Variants in TPD52L2 observed in about 807,000 individuals in gnomAD.
TPD52L2 encodes the protein tumor protein D54.
A neutral mutation model predicts 24.7 loss-of-function variants in TPD52L2; 19 were observed. That is an observed-to-expected ratio of 0.77 (90% confidence interval 0.54 to 1.13). The LOEUF (loss-of-function observed/expected upper bound fraction) is 1.13, where lower values mean the gene tolerates loss of function less well. Ranked by LOEUF, TPD52L2 falls within the 50% of genes most tolerant of loss-of-function variation. The pLI is 0.00. For synonymous variants in TPD52L2, 104 were observed against 100.2 expected (o/e 1.04, Z -0.23); for missense variants, 236 against 250.4 (o/e 0.94, Z 0.39).
intron 4 of TPD52L2, among the ~76,000 whole-genome samples, chr20:63,876,176 C>T (rs983019386): frequency 6.6e-6 from 1 of 152,180 alleles, no homozygotes; most frequent in Non-Finnish European, 1.5e-5. Context: ...ACTAATAGAG[C>T]TCCTTGGCTT....
At chr20:63,882,092 C>T (rs1297107687) in intron 4 of TPD52L2, among the ~76,000 whole-genome samples, 3 of 152,182 alleles carry the variant, frequency 2.0e-5, no homozygotes, top group South Asian at 2.1e-4. Context: ...TGGAACTGTC[C>T]GATGTTCTGA....
chr20:63,871,265 A>G (rs6062562), intron 2 of TPD52L2, among the ~76,000 whole-genome samples: 6,657 of 151,838 alleles, frequency 0.044, 378 homozygotes, highest in East Asian at 0.25. Context: ...CTGGTCCCGA[A>G]CTCCGAGTCT....
intron 4 of TPD52L2, among the ~76,000 whole-genome samples, chr20:63,878,877 A>G (rs1215429281): frequency 6.6e-6 from 1 of 152,166 alleles, no homozygotes; most frequent in Non-Finnish European, 1.5e-5. Flanking sequence ...TTGGGTGCAG[A>G]TGCTGGCTCT....
intron 3 of TPD52L2, among the ~76,000 whole-genome samples, chr20:63,875,005 G>C (rs2052613101): frequency 6.6e-6 from 1 of 151,970 alleles, no homozygotes; most frequent in South Asian, 2.1e-4. Flanking sequence ...AGCTGGGCGT[G>C]GTGGTGCGCA....
intron 1 of TPD52L2, 141 bp downstream of exon 1, chr20:63,865,525 C>T: frequency 8.8e-7 from 1 of 1,141,002 alleles, no homozygotes; most frequent in Non-Finnish European, 1.2e-6. Flanking sequence ...CTCCCGGGGC[C>T]ACTGACCTCG....
intron 5 of TPD52L2, chr20:63,885,911 C>G (rs561376703): frequency 1.6e-6 from 2 of 1,237,770 alleles, no homozygotes; most frequent in Non-Finnish European, 2.4e-6. Flanking sequence ...TGACTGAGCA[C>G]GAGCAGGGGG....
intron 5 of TPD52L2, among the ~76,000 whole-genome samples, 183 bp downstream of exon 5, chr20:63,883,003 C>T (rs1050712059): frequency 6.6e-6 from 1 of 152,148 alleles, no homozygotes; most frequent in Non-Finnish European, 1.5e-5. Flanking sequence ...TCGTCCATCC[C>T]CGTTGGCTGC....
At chr20:63,882,571 C>T (rs2052942355) in intron 4 of TPD52L2, 148 bp from the exon 5 acceptor site, 1 of 677,044 alleles carries the variant, frequency 1.5e-6, no homozygotes, top group East Asian at 2.7e-5. Flanking sequence ...GGCCTGCACC[C>T]CCTCTGTAGA....
chr20:63,879,390 C>T (rs2052810844), intron 4 of TPD52L2, among the ~76,000 whole-genome samples: 2 of 152,000 alleles, frequency 1.3e-5, no homozygotes, highest in Non-Finnish European at 2.9e-5. Flanking sequence ...CCTCAGGACC[C>T]TCCTCCTTGT....
At position 63,877,590 on chromosome 20, in the gene TPD52L2, A is replaced by C. The variant is rs950049253; in HGVS notation, c.374+1715A>C. On this transcript the variant is annotated intron_variant, in intron 4 of 6. Coordinates refer to ENST00000346249, the MANE Select transcript of TPD52L2 (RefSeq NM_003288.4). The surrounding 1 kb of genome is among the most constrained non-coding windows in gnomAD (Gnocchi z 4.1). ...TGCAGTTTGGGCATCAGGCGGACGC[A>C]CAGTGCAGACTCAGTCTGAAAATAG... Among the ~76,000 whole-genome samples, 1 of 152,270 alleles carries C rather than the reference A, an allele frequency of 6.6e-6. No homozygotes were observed. The highest frequency in any genetic ancestry group is 2.4e-5 in the African/African-American group (1 of 41,480).
At position 63,877,188 on chromosome 20, in the gene TPD52L2, G is replaced by A. The variant is rs1222619697; in HGVS notation, c.374+1313G>A. The A allele has an allele frequency of 5.8e-6, 2 of 346,226 alleles. No homozygotes were observed. Among genetic ancestry groups the A allele is most frequent in the East Asian group, 7.9e-5 (1 of 12,636 alleles). The allele number at this position is 346,226 out of a possible 1,614,324, so 21.4% of individuals were successfully genotyped here. On this transcript the variant is annotated intron_variant, in intron 4 of 6. Coordinates refer to ENST00000346249, the MANE Select transcript of TPD52L2 (RefSeq NM_003288.4). The surrounding 1 kb of genome is among the most constrained non-coding windows in gnomAD (Gnocchi z 4.1). ...CTACAGGCGCCCGCCACCACGCCCG[G>A]CTAATTTTTTCTATTTTTAGTAGAG...
chr20:63,888,877 T>C (rs2053228363), intron 5 of TPD52L2: 8 of 431,030 alleles, frequency 1.9e-5, no homozygotes, highest in South Asian at 1.2e-4. Context: ...ATAACCTCAG[T>C]ACGAGAGCCC....
At chr20:63,873,440 G>A (rs768809614) in intron 2 of TPD52L2, among the ~76,000 whole-genome samples, 3 of 151,732 alleles carry the variant, frequency 2.0e-5, no homozygotes, top group Non-Finnish European at 4.4e-5. Flanking sequence ...GGTGAGCCGA[G>A]GTCGTGCCAT....
chr20:63,886,287 A>G (rs1225874675), intron 5 of TPD52L2, among the ~76,000 whole-genome samples: 1 of 151,414 alleles, frequency 6.6e-6, no homozygotes, highest in East Asian at 1.9e-4. Context: ...GCTTCCCTTC[A>G]GGCTCACAGA....
At chr20:63,872,883 T>C (rs1490500148) in intron 2 of TPD52L2, among the ~76,000 whole-genome samples, 1 of 151,960 alleles carries the variant, frequency 6.6e-6, no homozygotes, top group Non-Finnish European at 1.5e-5. Context: ...TTTTGTATTT[T>C]TTAGTAGAGA....
Position 63,873,732 on chromosome 20 carries a change from T to C in TPD52L2, c.230T>C (p.Leu77Pro), listed in dbSNP as rs2052553561. 1.2e-6 allele frequency: 2 copies of C among 1,609,524 alleles called. No individual in the cohort carries two copies. Among genetic ancestry groups the C allele is most frequent in the Admixed American group, 1.7e-5 (1 of 58,828 alleles). ...GCCAAGGAGAGGCACTGTGGAGAGC[T>C]CAAGAGGAGGCTGGGCCTCTCCACC... ...LAAKERHCGE[L>P]KRRLGLSTLG... Residue 77 changes from leucine to proline, a missense_variant, in exon 3 of 7, where the codon CTC becomes CCC. Physicochemically the swap from Leu to Pro is moderately conservative, Grantham distance 98. Transcript: ENST00000346249.
chr20:63,873,559 A>G, intron 2 of TPD52L2, 109 bp from the exon 3 acceptor site: 1 of 1,289,554 alleles, frequency 7.8e-7, no homozygotes, highest in East Asian at 2.7e-5. Context: ...GGACGAGTTA[A>G]TGCTTTGGTA....
At chr20:63,889,816 A>C (rs374228582) in intron 6 of TPD52L2, 34 bp from the exon 7 acceptor site, 2 of 1,601,908 alleles carry the variant, frequency 1.2e-6, no homozygotes, top group African/African-American at 1.3e-5. Flanking sequence ...GCTCTGTCTC[A>C]GGTTTTTCTG....
In TPD52L2 at chr20:63,865,337, C is replaced by T; in HGVS notation, c.-29C>T. The T allele has an allele frequency of 1.3e-6, 2 of 1,521,156 alleles. No individual in the cohort carries two copies. Among genetic ancestry groups the T allele is most frequent in the Non-Finnish European group, 1.8e-6 (2 of 1,140,428 alleles). 94.2% of individuals were successfully genotyped at this position (1,521,156 alleles called of 1,614,324 possible). A position where few individuals can be genotyped will look rare whatever the true frequency, so the allele number is the denominator to read the frequency against. ...CCGCCCGCTCGGCTCCCATAGCGCC[C>T]GCGACAGCGGTCCGGACGCCGCCCG... On this transcript the variant is annotated 5_prime_UTR_variant, in exon 1 of 7. Coordinates refer to ENST00000346249, the MANE Select transcript of TPD52L2 (RefSeq NM_003288.4).
Sources: gnomAD v4.1 joint callset for allele counts (sites outside exome capture counted in the v4.1 genomes callset) on GRCh38, gnomAD v4.1.1 for gene constraint, Gnocchi (gnomAD v3.1) non-coding constraint, MANE v1.5 for transcripts, NCBI Gene and HGNC (gene_info 2026-07-23, HGNC 2026-07-21) for gene names.